The following XPO6 variants were observed in gnomAD, a reference collection of about 807,000 sequenced individuals.
XPO6 encodes exportin-6.
Under a neutral mutation model 130.0 loss-of-function variants are expected in XPO6, and 3 were observed. The observed-to-expected ratio is 0.02, with a 90% CI of 0.01 to 0.06. The LOEUF is 0.06. Among genes scored for constraint, XPO6 ranks in the 10% least tolerant of loss-of-function variants. The pLI is 1.00. For missense variants in XPO6, 970 were observed against 1,393.0 expected (o/e 0.70, Z 4.83); for synonymous variants, 524 against 548.9 (o/e 0.95, Z 0.63).
chr16:28,161,625 C>T (rs2043280368), intron 6 of XPO6, among the ~76,000 whole-genome samples: 1 of 152,042 alleles, frequency 6.6e-6, no homozygotes, highest in African/African-American at 2.4e-5. Flanking sequence ...CAGTAACAGC[C>T]ACCATCTGCT....
intron 1 of XPO6, among the ~76,000 whole-genome samples, chr16:28,199,368 G>A (rs751809734): frequency 3.3e-5 from 5 of 152,030 alleles, no homozygotes; most frequent in African/African-American, 7.2e-5. Context: ...TCCACCTCCC[G>A]GGTTCAAGCA....
intron 6 of XPO6, among the ~76,000 whole-genome samples, chr16:28,162,599 T>A (rs143061353): frequency 0.017 from 2,621 of 151,136 alleles, 73 homozygotes; most frequent in African/African-American, 0.057. Flanking sequence ...TCTTGCTCTG[T>A]CGCCCAGGCT....
intron 1 of XPO6, among the ~76,000 whole-genome samples, chr16:28,210,230 A>G (rs943624312): frequency 6.6e-5 from 10 of 152,322 alleles, no homozygotes; most frequent in African/African-American, 1.9e-4. Flanking sequence ...TGTAAGCTCC[A>G]TATCTCAGGA....
chr16:28,152,914 G>C (rs1263333468), intron 7 of XPO6, 129 bp from the exon 8 acceptor site: 11 of 1,406,106 alleles, frequency 7.8e-6, no homozygotes. Flanking sequence ...AAAATATAAA[G>C]GCCTGCAACA....
intron 1 of XPO6, among the ~76,000 whole-genome samples, chr16:28,196,316 G>A (rs530892268): frequency 2.6e-5 from 4 of 152,094 alleles, no homozygotes; most frequent in Non-Finnish European, 4.4e-5. Context: ...CGGAGATAAG[G>A]AAGGACCATA....
At chr16:28,203,065 C>T (rs2043976120) in intron 1 of XPO6, among the ~76,000 whole-genome samples, 1 of 152,156 alleles carries the variant, frequency 6.6e-6, no homozygotes, top group Non-Finnish European at 1.5e-5. Flanking sequence ...CACTTGAGCC[C>T]AGCAGCTCAA....
intron 21 of XPO6, among the ~76,000 whole-genome samples, chr16:28,102,693 C>T (rs1476479597): frequency 1.3e-5 from 2 of 152,010 alleles, no homozygotes; most frequent in Non-Finnish European, 2.9e-5. Context: ...AGCTGAGATC[C>T]TACCACTCAC....
At chr16:28,160,503 C>CAAAAAAAAAAAAAAA (rs1158204334) in intron 6 of XPO6, among the ~76,000 whole-genome samples, 22 of 116,570 alleles carry the variant, frequency 1.9e-4, no homozygotes, top group African/African-American at 6.6e-4. Flanking sequence ...GACTCCATCA[C>CAAAAAAAAAAAAAAA]CAAAAAAAAA....
At chr16:28,204,813 T>C (rs1241127818) in intron 1 of XPO6, among the ~76,000 whole-genome samples, 2 of 152,188 alleles carry the variant, frequency 1.3e-5, no homozygotes, top group Non-Finnish European at 2.9e-5. Flanking sequence ...CTGACACTAC[T>C]GACAGATCCA....
intron 6 of XPO6, among the ~76,000 whole-genome samples, chr16:28,163,511 G>A (rs2043309541): frequency 6.6e-6 from 1 of 152,156 alleles, no homozygotes; most frequent in Admixed American, 6.5e-5. Context: ...TTTCCCCAAT[G>A]GTCCAGGCAA....
At chr16:28,155,455 T>C (rs1156321323) in intron 7 of XPO6, 3 of 151,396 alleles carry the variant, frequency 2.0e-5, no homozygotes, top group Non-Finnish European at 4.4e-5. Flanking sequence ...TTAGAGTGCT[T>C]TTAAAAAAAA....
chr16:28,105,929 A>G (rs569526780), intron 20 of XPO6, 114 bp downstream of exon 20: 2 of 1,467,690 alleles, frequency 1.4e-6, no homozygotes, highest in Non-Finnish European at 1.8e-6. Flanking sequence ...CTACTTTACA[A>G]GCATATTAAA....
At chr16:28,115,916 A>T (rs1205994291) in intron 15 of XPO6, among the ~76,000 whole-genome samples, 1 of 152,198 alleles carries the variant, frequency 6.6e-6, no homozygotes, top group Non-Finnish European at 1.5e-5. Flanking sequence ...AACCTGTGTT[A>T]GCTTCCAACT....
intron 16 of XPO6, 77 bp downstream of exon 16, chr16:28,112,827 C>T (rs2086959466): frequency 6.5e-7 from 1 of 1,535,432 alleles, no homozygotes; most frequent in Non-Finnish European, 8.8e-7. Flanking sequence ...AAATCAAAGG[C>T]CAGACTCTTC....
Position 28,195,528 on chromosome 16 carries a change from G to T in XPO6, c.4-14497C>A, listed in dbSNP as rs543916823. Reference sequence around the variant, plus strand: ...AGCACTTTGAGAGGCTGAGGCGGGCGGACCACTTGAGGTCAGGAGTTAGAG... The same window carrying T: ...AGCACTTTGAGAGGCTGAGGCGGGCTGACCACTTGAGGTCAGGAGTTAGAG... On this transcript the variant is annotated intron_variant, in intron 1 of 23. Coordinates refer to ENST00000304658, the MANE Select transcript of XPO6 (RefSeq NM_015171.4). 1.5e-4 allele frequency among the ~76,000 whole-genome samples: 23 copies of T among 152,272 alleles called. No individual in the cohort carries two copies. In the East Asian group the frequency reaches 2.7e-3, roughly 18 times the overall value.
intron 13 of XPO6, among the ~76,000 whole-genome samples, chr16:28,122,465 T>C (rs1421519534): frequency 6.6e-6 from 1 of 152,020 alleles, no homozygotes; most frequent in Non-Finnish European, 1.5e-5. Context: ...TTTAAAATTT[T>C]ATCCAGATGT....
chr16:28,136,485 G>GCC (rs2042779285), intron 9 of XPO6, among the ~76,000 whole-genome samples: 1 of 152,182 alleles, frequency 6.6e-6, no homozygotes, highest in African/African-American at 2.4e-5. Flanking sequence ...CTCCCAAAGT[G>GCC]TCAGGATTAC....
rs747709388 is a variant in XPO6, at chr16:28,101,152, C to T, written c.3276+306G>A. The stretch of plus-strand genomic sequence containing the variant: ...GGGGCTCATCACCCAGGAGGGAGAA[C>T]GGCAGGGTCCTGGGTATGAACAAAG... On this transcript the variant is annotated intron_variant, in intron 23 of 23. Transcript: ENST00000304658. This position sits in a 1 kb window ranked among gnomAD's most constrained non-coding sequence, Gnocchi z 5.4. The T allele has an allele frequency of 1.1e-5, 5 of 449,316 alleles. No homozygotes were observed. Among genetic ancestry groups the T allele is most frequent in the South Asian group, 2.0e-5 (1 of 48,860 alleles). The allele number at this position is 449,316 out of a possible 1,614,324, so 27.8% of individuals were successfully genotyped here.
intron 10 of XPO6, among the ~76,000 whole-genome samples, chr16:28,134,924 G>T (rs1226953967): frequency 6.6e-6 from 1 of 152,158 alleles, no homozygotes; most frequent in Non-Finnish European, 1.5e-5. Context: ...GCAAGGCAGG[G>T]GAGACAGAGA....
Sources: gnomAD v4.1 joint callset for allele counts (sites outside exome capture counted in the v4.1 genomes callset) on GRCh38, gnomAD v4.1.1 for gene constraint, Gnocchi (gnomAD v3.1) non-coding constraint, MANE v1.5 for transcripts, NCBI Gene and HGNC (gene_info 2026-07-23, HGNC 2026-07-21) for gene names.